ULK4: variants seen among roughly 807,000 people sequenced by gnomAD.
The protein encoded by ULK4 is inactive serine/threonine-protein kinase ULK4.
Under a neutral mutation model 160.6 loss-of-function variants are expected in ULK4, and 133 were observed. The observed-to-expected ratio is 0.83, with a 90% CI of 0.72 to 0.96. The LOEUF is 0.96. ULK4 is among the 40% of genes least tolerant of loss of function. The probability of loss-of-function intolerance (pLI) is 0.00; values close to 1 mark genes in which losing one functional copy is unlikely to be tolerated. For synonymous variants in ULK4, 534 were observed against 539.8 expected (o/e 0.99, Z 0.15); for missense variants, 1,580 against 1,499.5 (o/e 1.05, Z -0.89).
intron 31 of ULK4, among the ~76,000 whole-genome samples, chr3:41,578,791 T>G (rs2029934014): frequency 6.6e-6 from 1 of 152,172 alleles, no homozygotes. Context: ...GTGGGAATAA[T>G]AAGGAAATTC....
intron 29 of ULK4, among the ~76,000 whole-genome samples, chr3:41,676,571 C>T (rs1039563445): frequency 6.6e-6 from 1 of 151,468 alleles, no homozygotes; most frequent in Admixed American, 6.6e-5. Flanking sequence ...TTTTTACATA[C>T]ATGACTTACA....
intron 27 of ULK4, among the ~76,000 whole-genome samples, chr3:41,699,875 T>C (rs903159292): frequency 3.3e-5 from 5 of 152,264 alleles, no homozygotes; most frequent in African/African-American, 1.2e-4. Flanking sequence ...TAATAGACGC[T>C]GTAGTTACAA....
At position 41,649,943 on chromosome 3, in the gene ULK4, C is replaced by G. The variant is rs185074042; in HGVS notation, c.3071+13664G>C. Among the ~76,000 whole-genome samples the G allele has an allele frequency of 3.3e-5, 5 of 152,300 alleles. No homozygotes were observed. In the East Asian group the frequency reaches 9.7e-4, roughly 29 times the overall value. On this transcript the variant is annotated intron_variant, in intron 30 of 36. Transcript: ENST00000301831. ...GATCAGCATGAACTTCCTTCTCAGCCCATGAAAACCCCAGACTCAGCCAGA... is the reference window on the plus strand; with the variant it reads ...GATCAGCATGAACTTCCTTCTCAGCGCATGAAAACCCCAGACTCAGCCAGA...
At chr3:41,876,539 C>T (rs978450189) in intron 17 of ULK4, among the ~76,000 whole-genome samples, 1 of 152,168 alleles carries the variant, frequency 6.6e-6, no homozygotes, top group Admixed American at 6.5e-5. Flanking sequence ...ACACACATAT[C>T]CTGTAACCTA....
At chr3:41,363,390 C>A (rs2081186807) in intron 35 of ULK4, among the ~76,000 whole-genome samples, 1 of 152,182 alleles carries the variant, frequency 6.6e-6, no homozygotes, top group Non-Finnish European at 1.5e-5. Context: ...AAGGCAGATG[C>A]CTGGTTTGGC....
chr3:41,558,586 C>T (rs892894826), intron 32 of ULK4, among the ~76,000 whole-genome samples: 1 of 151,780 alleles, frequency 6.6e-6, no homozygotes, highest in African/African-American at 2.4e-5. Context: ...CGACTGTAAT[C>T]CCAGCTACTC....
intron 30 of ULK4, among the ~76,000 whole-genome samples, chr3:41,647,414 C>T (rs1411526976): frequency 2.7e-5 from 4 of 150,856 alleles, no homozygotes; most frequent in African/African-American, 4.9e-5. Flanking sequence ...TTCTAACAGA[C>T]AGGACCCTCA....
At chr3:41,480,842 G>A (rs1196774700) in intron 32 of ULK4, among the ~76,000 whole-genome samples, 2 of 152,152 alleles carry the variant, frequency 1.3e-5, no homozygotes, top group African/African-American at 2.4e-5. Flanking sequence ...AAGGAGAAGT[G>A]CAGAGTGAAG....
intron 34 of ULK4, among the ~76,000 whole-genome samples, chr3:41,405,829 GT>G (rs2082283391): frequency 6.6e-6 from 1 of 150,784 alleles, no homozygotes. Flanking sequence ...TTTTTTGTTT[GT>G]TTTTTGTTTT....
intron 22 of ULK4, among the ~76,000 whole-genome samples, chr3:41,724,500 G>A (rs1359973501): frequency 2.6e-5 from 4 of 152,076 alleles, no homozygotes; most frequent in Non-Finnish European, 5.9e-5. Flanking sequence ...CGAGGCGGGT[G>A]GATCATGAGG....
chr3:41,574,318 T>C (rs2088106361), intron 31 of ULK4, among the ~76,000 whole-genome samples: 1 of 152,084 alleles, frequency 6.6e-6, no homozygotes, highest in Non-Finnish European at 1.5e-5. Context: ...CCACAAACCT[T>C]AGAATCATCG....
intron 35 of ULK4, among the ~76,000 whole-genome samples, chr3:41,318,740 G>C (rs1395573643): frequency 6.6e-6 from 1 of 152,204 alleles, no homozygotes; most frequent in African/African-American, 2.4e-5. Context: ...GCAGTGTGTG[G>C]TCTGTGAGGT....
At chr3:41,552,117 T>C (rs145345657) in intron 32 of ULK4, among the ~76,000 whole-genome samples, 1 of 151,808 alleles carries the variant, frequency 6.6e-6, no homozygotes, top group Non-Finnish European at 1.5e-5. Context: ...CCTCAGTATA[T>C]AGTAATAAAG....
chr3:41,632,088 C>A (rs2033771172), intron 30 of ULK4, among the ~76,000 whole-genome samples: 1 of 152,104 alleles, frequency 6.6e-6, no homozygotes, highest in Non-Finnish European at 1.5e-5. Flanking sequence ...GTATTCATCC[C>A]ACAGCTTCCC....
chr3:41,372,501 A>G (rs2081390786), intron 35 of ULK4, among the ~76,000 whole-genome samples: 2 of 152,182 alleles, frequency 1.3e-5, no homozygotes, highest in African/African-American at 4.8e-5. Context: ...CAACATTCTT[A>G]AAGAATTTTC....
intron 27 of ULK4, among the ~76,000 whole-genome samples, chr3:41,704,539 C>T (rs143757551): frequency 0.013 from 1,910 of 152,262 alleles, 24 homozygotes; most frequent in Non-Finnish European, 0.017. Context: ...ACCTAAGGAT[C>T]CTTCTAAGAC....
At chr3:41,635,954 C>T (rs1200764509) in intron 30 of ULK4, among the ~76,000 whole-genome samples, 2 of 152,052 alleles carry the variant, frequency 1.3e-5, no homozygotes, top group Non-Finnish European at 2.9e-5. Context: ...GTTTTCCAAC[C>T]TGTCATTTAT....
intron 32 of ULK4, among the ~76,000 whole-genome samples, chr3:41,497,848 T>C (rs1236263885): frequency 6.6e-6 from 1 of 152,002 alleles, no homozygotes; most frequent in Admixed American, 6.6e-5. Flanking sequence ...TGCCTATAAA[T>C]AGCCACTGCA....
intron 35 of ULK4, among the ~76,000 whole-genome samples, chr3:41,318,631 A>T (rs1349519910): frequency 6.6e-6 from 1 of 152,212 alleles, no homozygotes; most frequent in Non-Finnish European, 1.5e-5. Flanking sequence ...GCTAGTACAA[A>T]GAAAGGTCCA....
Sources: allele counts gnomAD v4.1 joint callset (sites outside exome capture counted in the v4.1 genomes callset), GRCh38; gene constraint gnomAD v4.1.1; transcripts MANE v1.5; gene names NCBI Gene and HGNC (gene_info 2026-07-23, HGNC 2026-07-21).